The following GRHL3 variants were observed in gnomAD, a reference collection of about 807,000 sequenced individuals.
GRHL3 encodes the protein grainyhead-like protein 3 homolog.
A neutral mutation model predicts 70.3 loss-of-function variants in GRHL3; 20 were observed. The observed-to-expected ratio is 0.28, with a 90% CI of 0.20 to 0.41. The LOEUF is 0.41. GRHL3 is among the 10% of genes least tolerant of loss of function. The pLI is 1.00. For synonymous variants in GRHL3, 299 were observed against 299.9 expected, an observed-to-expected ratio of 1.00 and a Z score of 0.03; for missense variants, 637 against 762.3, an observed-to-expected ratio of 0.84 and a Z score of 1.94.
rs940979262 is a variant in GRHL3, at chr1:24,321,743, T to TAAG, written c.17+2176_17+2178dup. The TAAG allele has an allele frequency of 1.3e-5, 2 of 152,170 alleles. No homozygotes were observed. Among genetic ancestry groups the TAAG allele is most frequent in the Admixed American group, 6.5e-5 (1 of 15,288 alleles). 9.4% of individuals were successfully genotyped at this position (152,170 alleles called of 1,614,324 possible). ...CCGCCCGGTGGCCAGGCCCCGGGTG[T>TAAG]AAGGCGGCACTTCGAAGGCTGGTCT... On this transcript the variant is annotated intron_variant, in intron 1 of 15. Transcript: ENST00000361548. The surrounding 1 kb of genome is among the most constrained non-coding windows in gnomAD (Gnocchi z 4.0).
intron 1 of GRHL3, among the ~76,000 whole-genome samples, chr1:24,327,817 T>TC (rs1285733101): frequency 2.0e-5 from 3 of 152,144 alleles, no homozygotes; most frequent in Non-Finnish European, 4.4e-5. Context: ...CTTATTTTTT[T>TC]CCCCCTCTCT....
At chr1:24,337,280 G>C in intron 5 of GRHL3, 129 bp downstream of exon 5, 1 of 657,742 alleles carries the variant, frequency 1.5e-6, no homozygotes, top group Non-Finnish European at 2.6e-6. Context: ...AAGGCAGATA[G>C]ATAGAGGGAG....
intron 1 of GRHL3, among the ~76,000 whole-genome samples, chr1:24,327,608 C>T (rs1163773593): frequency 6.6e-6 from 1 of 152,174 alleles, no homozygotes; most frequent in East Asian, 1.9e-4. Context: ...CCCTCATTTT[C>T]CTTTTCACTT....
At chr1:24,344,990 C>CCCCTCCACACCTGTGT in intron 12 of GRHL3, 59 bp downstream of exon 12, 2 of 511,338 alleles carry the variant, frequency 3.9e-6, no homozygotes, top group East Asian at 1.4e-4. Context: ...CACACCTGTG[C>CCCCTCCACACCTGTGT]CCCCTCCACA....
At position 24,354,658 on chromosome 1, in the gene GRHL3, A is replaced by AG. The variant is rs1557708272; in HGVS notation, c.*175dup. ...AGACGTCAGGGCCAGGGAGAGACCTAGGGGGTCCCCTGGCCTGGATCCCCA... is the reference window on the plus strand; with the variant it reads ...AGACGTCAGGGCCAGGGAGAGACCTAGGGGGGTCCCCTGGCCTGGATCCCCA... On this transcript the variant is annotated 3_prime_UTR_variant, in exon 16 of 16. Transcript: ENST00000361548. 6.9e-5 allele frequency: 39 copies of AG among 561,902 alleles called. No homozygotes were observed. The East Asian group carries it at 1.2e-3, about 17-fold the overall frequency. 34.8% of individuals were successfully genotyped at this position (561,902 alleles called of 1,614,324 possible).
At chr1:24,335,676 G>A (rs920870626) in intron 3 of GRHL3, among the ~76,000 whole-genome samples, 26 of 150,716 alleles carry the variant, frequency 1.7e-4, no homozygotes, top group African/African-American at 4.4e-4. Context: ...TCCGTCTCCC[G>A]GGTTCAAGCC....
At position 24,336,807 on chromosome 1, in the gene GRHL3, T is replaced by G; in HGVS notation, c.592T>G (p.Phe198Val). Residue 198 changes from phenylalanine to valine, a missense_variant, in exon 4 of 16, where the codon TTC becomes GTC. Around this residue, in one of 2 missense-constraint regions of GRHL3, gnomAD observed 250 missense variants for 248.6 expected, o/e 1.01. Transcript: ENST00000361548. ...PTQRWQPDST[F>V]KDDPQESMLF... ...ACAGCGCTGGCAGCCAGACAGCACC[T>G]TCAAAGATGACCCACAGGAGGTGAG... is the stretch of plus-strand genomic sequence containing the variant. 1 of 1,606,574 alleles carries G rather than the reference T, an allele frequency of 6.2e-7. No individual in the cohort carries two copies. Among genetic ancestry groups the G allele is most frequent in the Non-Finnish European group, 8.5e-7 (1 of 1,175,174 alleles).
At chr1:24,358,246 A>C (rs1455939644), downstream of GRHL3, 2 of 614,354 alleles carry the variant, frequency 3.3e-6, no homozygotes, top group Non-Finnish European at 6.1e-6. Flanking sequence ...TCGTGCCGGA[A>C]GGCAGCCTGG....
At chr1:24,353,956 C>T (rs1030843132) in intron 15 of GRHL3, among the ~76,000 whole-genome samples, 2 of 152,180 alleles carry the variant, frequency 1.3e-5, no homozygotes, top group African/African-American at 4.8e-5. Context: ...GGGACACATC[C>T]TAGCCTCTTG....
intron 15 of GRHL3, among the ~76,000 whole-genome samples, chr1:24,353,624 C>G (rs1010963717): frequency 6.6e-6 from 1 of 151,906 alleles, no homozygotes; most frequent in Admixed American, 6.6e-5. Context: ...CCATTACATG[C>G]TCAGAAGACA....
chr1:24,354,270 G>A (rs1640628535), intron 15 of GRHL3, 104 bp from the exon 16 acceptor site: 3 of 713,336 alleles, frequency 4.2e-6, no homozygotes, highest in African/African-American at 1.7e-5. Context: ...CCTAAAATGT[G>A]GCAGGTACCC....
chr1:24,362,598 T>C (rs141962380), intron 15 of GRHL3, among the ~76,000 whole-genome samples: 2 of 152,304 alleles, frequency 1.3e-5, no homozygotes, highest in East Asian at 1.9e-4. Flanking sequence ...TAGTAGGTGC[T>C]CAATAAAGGT....
chr1:24,354,577 G>A lies in GRHL3; in HGVS notation c.*89G>A, dbSNP rs926805153. 1.1e-5 allele frequency: 9 copies of A among 803,322 alleles called. No individual in the cohort carries two copies. The African/African-American group carries it at 1.5e-4, about 14-fold the overall frequency. The allele number at this position is 803,322 out of a possible 1,614,324, so 49.8% of individuals were successfully genotyped here. ...ACACACAACCTCTCCACATGCCTCA[G>A]CGCTGTTACTTGAATGCCTTCCCTG... On this transcript the variant is annotated 3_prime_UTR_variant, in exon 16 of 16. Coordinates refer to ENST00000361548, the MANE Select transcript of GRHL3 (RefSeq NM_198173.3).
chr1:24,327,421 T>G (rs959384330), intron 1 of GRHL3, among the ~76,000 whole-genome samples: 1 of 152,192 alleles, frequency 6.6e-6, no homozygotes, highest in Non-Finnish European at 1.5e-5. Flanking sequence ...AGACACTCAA[T>G]AGACCCATTT....
chr1:24,319,405 AACCT>A lies in GRHL3; in HGVS notation c.-142_-139del. On this transcript the variant is annotated 5_prime_UTR_variant, in exon 1 of 16. Transcript: ENST00000361548. ...GCCAATCAGCGCCAGCGCTGCTGGGAACCTACCTGTCAGCAAAATCTCGACACCC... is the reference window on the plus strand; with the variant it reads ...GCCAATCAGCGCCAGCGCTGCTGGGAACCTGTCAGCAAAATCTCGACACCC... 1 of 852,022 alleles carries A rather than the reference AACCT, an allele frequency of 1.2e-6. No individual in the cohort carries two copies. The highest frequency in any genetic ancestry group is 1.4e-5 in the South Asian group (1 of 73,794). 52.8% of individuals were successfully genotyped at this position (852,022 alleles called of 1,614,324 possible).
In GRHL3 at chr1:24,337,690, G is replaced by A. The variant is rs554457583; in HGVS notation, c.741G>A (p.Glu247=). 1 of 1,614,174 alleles carries A rather than the reference G, an allele frequency of 6.2e-7. No individual in the cohort carries two copies. Residue 247 remains glutamate (E), a synonymous_variant, in exon 6 of 16, where the codon GAG becomes GAA. Coordinates refer to ENST00000361548, the MANE Select transcript of GRHL3 (RefSeq NM_198173.3). ...SPKAIHIKSG[E]SPMAYLNKGQ... ...AAGCCATCCACATCAAGTCAGGCGA[G>A]TCACCCATGGCCTACCTCAACAAAG...
chr1:24,338,104 G>C lies in GRHL3; in HGVS notation c.952+1G>C, dbSNP rs1433673523. The C allele has an allele frequency of 6.3e-7, 1 of 1,595,046 alleles. No homozygotes were observed. Among genetic ancestry groups the C allele is most frequent in the Non-Finnish European group, 8.5e-7 (1 of 1,169,662 alleles). The stretch of plus-strand genomic sequence containing the variant: ...GCCAAGCAGCGGGTCATTGACGTGG[G>C]TGAGAGCCTTCTCAAGCCTCCATTC... On this transcript the variant is annotated splice_donor_variant, in intron 7 of 15. Transcript: ENST00000361548. LOFTEE classifies it high-confidence loss of function.
Position 24,342,360 on chromosome 1 carries a change from G to C in GRHL3, c.1206+87G>C. 3 of 1,153,840 alleles carry C rather than the reference G, an allele frequency of 2.6e-6. No homozygotes were observed. Among genetic ancestry groups the C allele is most frequent in the Non-Finnish European group, 3.7e-6 (3 of 806,896 alleles). The allele number at this position is 1,153,840 out of a possible 1,614,324, so 71.5% of individuals were successfully genotyped here. A position where few individuals can be genotyped will look rare whatever the true frequency, so the allele number is the denominator to read the frequency against. ...CCGTGCGTCCTCCTAGCTTCTCTGG[G>C]TTGTCTGTCTCTCTCTGTTTTTCTA... On this transcript the variant is annotated intron_variant, in intron 9 of 15. Transcript: ENST00000361548. The surrounding 1 kb of genome is among the most constrained non-coding windows in gnomAD (Gnocchi z 4.8).
At position 24,321,475 on chromosome 1, in the gene GRHL3, A is replaced by G. The variant is rs1323585756; in HGVS notation, c.17+1907A>G. On this transcript the variant is annotated intron_variant, in intron 1 of 15. Coordinates refer to ENST00000361548, the MANE Select transcript of GRHL3 (RefSeq NM_198173.3). This position sits in a 1 kb window ranked among gnomAD's most constrained non-coding sequence, Gnocchi z 4.0. ...CTCGACATTCTCCTAAAAAGTGCCA[A>G]GTTAAGAGGACTGGCCATAGCTTAC... Among the ~76,000 whole-genome samples the G allele has an allele frequency of 6.6e-6, 1 of 152,204 alleles. No homozygotes were observed. Among genetic ancestry groups the G allele is most frequent in the Non-Finnish European group, 1.5e-5 (1 of 68,044 alleles).
Sources: allele counts gnomAD v4.1 joint callset (sites outside exome capture counted in the v4.1 genomes callset), GRCh38; gene constraint gnomAD v4.1.1; regional missense constraint gnomAD v4.1.1; non-coding constraint Gnocchi (gnomAD v3.1); transcripts MANE v1.5; gene names NCBI Gene and HGNC (gene_info 2026-07-23, HGNC 2026-07-21).